The following FHIT variants were observed in gnomAD, a reference collection of about 807,000 sequenced individuals.
FHIT encodes the protein bis(5'-adenosyl)-triphosphatase.
A neutral mutation model predicts 17.9 loss-of-function variants in FHIT; 19 were observed. The ratio of observed to expected loss-of-function variants is 1.06; its 90% CI spans 0.74 to 1.56. FHIT has a LOEUF of 1.56. Ranked by LOEUF, FHIT falls within the 40% of genes most tolerant of loss-of-function variation. The pLI is 0.00. For synonymous variants in FHIT, 81 were observed against 69.7 expected, an observed-to-expected ratio of 1.16 and a Z score of -0.81; for missense variants, 248 against 189.2, an observed-to-expected ratio of 1.31 and a Z score of -1.82.
chr3:60,767,845 G>T (rs1471730326), intron 4 of FHIT, among the ~76,000 whole-genome samples: 10 of 152,166 alleles, frequency 6.6e-5, no homozygotes, highest in Admixed American at 4.6e-4. Context: ...TGCCCAACCT[G>T]AATTGGGTGT....
intron 4 of FHIT, among the ~76,000 whole-genome samples, chr3:60,744,263 C>CAAAAAAAAAAAAAAAAAAAAAAAA (rs1201886354): frequency 2.0e-4 from 17 of 85,972 alleles, no homozygotes; most frequent in East Asian, 2.7e-4. Flanking sequence ...AAAAACAAAA[C>CAAAAAAAAAAAAAAAAAAAAAAAA]AAAACAAAAA....
intron 4 of FHIT, among the ~76,000 whole-genome samples, chr3:60,772,309 C>G (rs1700071255): frequency 8.1e-6 from 1 of 123,210 alleles, no homozygotes; most frequent in Non-Finnish European, 1.7e-5. Flanking sequence ...TTGTTCACTT[C>G]TCATCTATAT....
intron 4 of FHIT, among the ~76,000 whole-genome samples, chr3:60,665,602 TA>T (rs1222320233): frequency 6.6e-6 from 1 of 152,050 alleles, no homozygotes; most frequent in Non-Finnish European, 1.5e-5. Context: ...CCTGTTTTTT[TA>T]AAAATTAATA....
chr3:59,828,408 C>A (rs1390314253), intron 8 of FHIT, among the ~76,000 whole-genome samples: 2 of 152,198 alleles, frequency 1.3e-5, no homozygotes, highest in Non-Finnish European at 2.9e-5. Flanking sequence ...TGGTTTTCTG[C>A]TATAACTCTC....
At chr3:59,912,179 C>T (rs1328333627) in intron 8 of FHIT, among the ~76,000 whole-genome samples, 1 of 152,196 alleles carries the variant, frequency 6.6e-6, no homozygotes, top group Admixed American at 6.5e-5. Context: ...TATCATATCA[C>T]AGTCTCCCTC....
At chr3:60,709,377 GA>G (rs2041457398) in intron 4 of FHIT, among the ~76,000 whole-genome samples, 1 of 152,118 alleles carries the variant, frequency 6.6e-6, no homozygotes, top group Non-Finnish European at 1.5e-5. Context: ...AGAAAATCTA[GA>G]AGGAATATTT....
chr3:60,288,231 T>C (rs1429695559), intron 5 of FHIT, among the ~76,000 whole-genome samples: 1 of 152,184 alleles, frequency 6.6e-6, no homozygotes, highest in Non-Finnish European at 1.5e-5. Flanking sequence ...TTTCCCAAAA[T>C]GAGTAAGATT....
intron 3 of FHIT, among the ~76,000 whole-genome samples, chr3:60,925,080 T>C (rs1553769495): frequency 6.6e-6 from 1 of 152,180 alleles, no homozygotes; most frequent in African/African-American, 2.4e-5. Flanking sequence ...AATCTACATC[T>C]GACTGATGTA....
At chr3:60,357,598 T>C (rs766041907) in intron 5 of FHIT, among the ~76,000 whole-genome samples, 2 of 152,068 alleles carry the variant, frequency 1.3e-5, no homozygotes, top group Non-Finnish European at 2.9e-5. Flanking sequence ...CTTGACAAAG[T>C]TTTACACACT....
At chr3:60,803,719 A>C (rs1701283075) in intron 4 of FHIT, among the ~76,000 whole-genome samples, 1 of 151,998 alleles carries the variant, frequency 6.6e-6, no homozygotes, top group Admixed American at 6.6e-5. Context: ...CCCTGGTGTC[A>C]CCTTGTTTTG....
At chr3:60,730,303 C>A in intron 4 of FHIT, 1 of 267,578 alleles carries the variant, frequency 3.7e-6, no homozygotes, top group Non-Finnish European at 8.0e-6. Context: ...CATGTCTTCT[C>A]TTTTTGTAGC....
chr3:60,719,954 C>A (rs1342009043), intron 4 of FHIT, among the ~76,000 whole-genome samples: 2 of 152,174 alleles, frequency 1.3e-5, no homozygotes, highest in Non-Finnish European at 2.9e-5. Context: ...TCCTTCTATT[C>A]TGTTTCACTT....
At chr3:60,772,314 C>CTATATATATATATA (rs61056807) in intron 4 of FHIT, among the ~76,000 whole-genome samples, 62 of 143,344 alleles carry the variant, frequency 4.3e-4, no homozygotes, top group African/African-American at 1.2e-3. Flanking sequence ...CACTTCTCAT[C>CTATATATATATATA]TATATATATA....
At chr3:60,361,201 G>A (rs1699892559) in intron 5 of FHIT, among the ~76,000 whole-genome samples, 1 of 152,084 alleles carries the variant, frequency 6.6e-6, no homozygotes, top group South Asian at 2.1e-4. Flanking sequence ...AGTCCAGTGG[G>A]GAGAAGTAAA....
intron 5 of FHIT, among the ~76,000 whole-genome samples, chr3:60,364,069 C>A (rs1366550424): frequency 6.6e-6 from 1 of 152,188 alleles, no homozygotes; most frequent in Non-Finnish European, 1.5e-5. Context: ...ACCCAGCCCA[C>A]AACTTTGTAA....
At chr3:60,389,688 G>A (rs746544517) in intron 5 of FHIT, among the ~76,000 whole-genome samples, 2 of 152,252 alleles carry the variant, frequency 1.3e-5, no homozygotes, top group Non-Finnish European at 2.9e-5. Context: ...AAGTATGGTC[G>A]ATAATGAGGT....
Position 60,617,122 on chromosome 3 carries a change from C to T in FHIT, c.-17-80143G>A, listed in dbSNP as rs112086090. The T allele has an allele frequency of 2.6e-3, 576 of 219,186 alleles. 2 individuals are homozygous for T. Among genetic ancestry groups the T allele is most frequent in the African/African-American group, 0.012 (533 of 43,516 alleles). The allele number at this position is 219,186 out of a possible 1,614,324, so 13.6% of individuals were successfully genotyped here. A position where few individuals can be genotyped will look rare whatever the true frequency, so the allele number is the denominator to read the frequency against. ...TGAGCAGGACCTGAAGATGTTTCTT[C>T]GTTCCAAAGGAGCTAGCAAAGAAGT... On this transcript the variant is annotated intron_variant, in intron 4 of 9. Coordinates refer to ENST00000492590, the MANE Select transcript of FHIT (RefSeq NM_002012.4).
intron 5 of FHIT, among the ~76,000 whole-genome samples, chr3:60,323,488 C>T (rs1161933658): frequency 6.6e-6 from 1 of 152,102 alleles, no homozygotes; most frequent in Non-Finnish European, 1.5e-5. Context: ...CCAGGGAGGT[C>T]ATACAACCTG....
At chr3:60,288,604 TGG>T (rs1418058648) in intron 5 of FHIT, among the ~76,000 whole-genome samples, 2 of 143,746 alleles carry the variant, frequency 1.4e-5, no homozygotes, top group African/African-American at 5.3e-5. Flanking sequence ...TGTGTGTGTG[TGG>T]AGGGGGGTGT....
Sources: gnomAD v4.1 joint callset for allele counts (sites outside exome capture counted in the v4.1 genomes callset) on GRCh38, gnomAD v4.1.1 for gene constraint, MANE v1.5 for transcripts, NCBI Gene and HGNC (gene_info 2026-07-23, HGNC 2026-07-21) for gene names.